GRID2: variants seen among roughly 807,000 people sequenced by gnomAD.
The protein encoded by GRID2 is glutamate ionotropic receptor delta type subunit 2, also known as glutamate receptor ionotropic, delta-2.
A neutral mutation model predicts 114.8 loss-of-function variants in GRID2; 33 were observed. That is an observed-to-expected ratio of 0.29 (90% CI 0.22 to 0.38). The LOEUF is 0.38. Ranked by LOEUF, GRID2 falls within the 10% of genes least tolerant of loss-of-function variation. The probability of loss-of-function intolerance (pLI) is 1.00; values close to 1 mark genes in which losing one functional copy is unlikely to be tolerated. For synonymous variants in GRID2, 505 were observed against 449.9 expected (o/e 1.12, Z -1.55); for missense variants, 1,184 against 1,257.7 (o/e 0.94, Z 0.89).
At chr4:92,910,626 T>A (rs2149490553) in intron 2 of GRID2, among the ~76,000 whole-genome samples, 1 of 152,198 alleles carries the variant, frequency 6.6e-6, no homozygotes, top group East Asian at 1.9e-4. Flanking sequence ...TTGAGTACAA[T>A]CTATTTTTTC....
rs1327912125 is a variant in GRID2, at chr4:92,304,691, T to C, written c.35T>C (p.Val12Ala). Residue 12 changes from valine (V) to alanine (A), a missense_variant, in exon 1 of 16, where the codon GTC becomes GCC. Physicochemically the swap from Val to Ala is moderately conservative, Grantham distance 64 (BLOSUM62 0). This residue lies in a region of GRID2 where 455 missense variants were observed against 429.5 expected (regional missense o/e 1.06). Coordinates refer to ENST00000282020, the MANE Select transcript of GRID2 (RefSeq NM_001510.4). ...EVFPFLLVLS[V>A]WWSRTWDSAN... Reference sequence around the variant, plus strand: ...TTCCCCTTTCTCTTGGTTTTGTCCGTCTGGTGGTCTCGAACCTGGGACTCG... The same window carrying C: ...TTCCCCTTTCTCTTGGTTTTGTCCGCCTGGTGGTCTCGAACCTGGGACTCG... 1 of 1,613,568 alleles carries C rather than the reference T, an allele frequency of 6.2e-7. No individual in the cohort carries two copies. Among genetic ancestry groups the C allele is most frequent in the East Asian group, 2.2e-5 (1 of 44,882 alleles).
At chr4:93,343,559 G>A (rs1035453431) in intron 8 of GRID2, among the ~76,000 whole-genome samples, 6 of 152,012 alleles carry the variant, frequency 3.9e-5, no homozygotes, top group African/African-American at 9.7e-5. Flanking sequence ...TTTGAAAATG[G>A]TCTCTAAAAG....
chr4:92,546,816 T>G (rs1245137902), intron 1 of GRID2, among the ~76,000 whole-genome samples: 2 of 152,200 alleles, frequency 1.3e-5, no homozygotes, highest in East Asian at 3.9e-4. Flanking sequence ...ATTATTAATA[T>G]GTTCAGTGGA....
chr4:93,435,700 G>T (rs1721016238), intron 10 of GRID2, among the ~76,000 whole-genome samples: 1 of 152,284 alleles, frequency 6.6e-6, no homozygotes, highest in South Asian at 2.1e-4. Flanking sequence ...AAGGCTTAGA[G>T]AATTTAAATA....
intron 14 of GRID2, among the ~76,000 whole-genome samples, chr4:93,645,626 C>T (rs1309527408): frequency 6.6e-6 from 1 of 152,122 alleles, no homozygotes. Context: ...TTGCCTGTCT[C>T]CTGGATACCT....
chr4:93,700,082 T>A (rs1307145038), intron 14 of GRID2, among the ~76,000 whole-genome samples: 1 of 152,128 alleles, frequency 6.6e-6, no homozygotes, highest in Non-Finnish European at 1.5e-5. Context: ...ATGCTATTTT[T>A]AAAAAATTAC....
intron 1 of GRID2, among the ~76,000 whole-genome samples, chr4:92,388,896 TA>T (rs1435484290): frequency 6.6e-6 from 1 of 152,012 alleles, no homozygotes; most frequent in African/African-American, 2.4e-5. Flanking sequence ...GCTATGCAAT[TA>T]AAAAAAGGTT....
At chr4:92,773,074 T>A (rs2149353468) in intron 2 of GRID2, among the ~76,000 whole-genome samples, 1 of 152,330 alleles carries the variant, frequency 6.6e-6, no homozygotes, top group Non-Finnish European at 1.5e-5. Context: ...TTGTATTGTC[T>A]TTACTTGTTA....
At chr4:92,967,936 T>G (rs960121477) in intron 2 of GRID2, among the ~76,000 whole-genome samples, 2 of 151,930 alleles carry the variant, frequency 1.3e-5, no homozygotes, top group African/African-American at 4.8e-5. Context: ...ATTAGCATTC[T>G]ATCACTACTT....
intron 8 of GRID2, among the ~76,000 whole-genome samples, chr4:93,241,473 C>A (rs1410692920): frequency 6.6e-6 from 1 of 151,744 alleles, no homozygotes; most frequent in South Asian, 2.1e-4. Flanking sequence ...AAACTCCATA[C>A]GTTCCTGGGA....
rs543453949 is a variant in GRID2, at chr4:93,631,114, G to A, written c.2360+4679G>A. 2.8e-4 allele frequency among the ~76,000 whole-genome samples: 43 copies of A among 152,188 alleles called. No homozygotes were observed. In the South Asian group the frequency reaches 8.3e-3, roughly 29 times the overall value. On this transcript the variant is annotated intron_variant, in intron 14 of 15. Coordinates refer to ENST00000282020, the MANE Select transcript of GRID2 (RefSeq NM_001510.4). ...GAGCTGAGACTCAAACCCAGAGTCT[G>A]GCTCCAAAAACTGGGTCTCTTAACC...
chr4:92,345,634 A>G (rs2110172295), intron 1 of GRID2, among the ~76,000 whole-genome samples: 1 of 152,312 alleles, frequency 6.6e-6, no homozygotes, highest in African/African-American at 2.4e-5. Context: ...CTAAGTCATA[A>G]ATGATATTAT....
At chr4:93,216,294 G>A (rs550655672) in intron 5 of GRID2, among the ~76,000 whole-genome samples, 24 of 151,910 alleles carry the variant, frequency 1.6e-4, no homozygotes, top group South Asian at 1.4e-3. Flanking sequence ...GTATGTGTGC[G>A]TATGTATGCA....
chr4:93,778,629 C>T (rs1185010937), downstream of GRID2, among the ~76,000 whole-genome samples: 1 of 152,110 alleles, frequency 6.6e-6, no homozygotes, highest in Non-Finnish European at 1.5e-5. Flanking sequence ...AACCCCGGAC[C>T]TCACATGATC....
chr4:93,439,871 C>T (rs1721462577), intron 10 of GRID2, among the ~76,000 whole-genome samples: 1 of 151,992 alleles, frequency 6.6e-6, no homozygotes, highest in Non-Finnish European at 1.5e-5. Context: ...CCCATAAAGT[C>T]GAGCCTATCT....
At chr4:93,637,097 A>G (rs1721478709) in intron 14 of GRID2, among the ~76,000 whole-genome samples, 1 of 152,206 alleles carries the variant, frequency 6.6e-6, no homozygotes, top group African/African-American at 2.4e-5. Flanking sequence ...CATCTGTTTA[A>G]AAATTGTCAT....
At chr4:92,638,882 G>T (rs550164483) in intron 2 of GRID2, among the ~76,000 whole-genome samples, 1 of 150,538 alleles carries the variant, frequency 6.6e-6, no homozygotes, top group Non-Finnish European at 1.5e-5. Flanking sequence ...TGTTCTATTT[G>T]TTCAGTTTTT....
intron 2 of GRID2, among the ~76,000 whole-genome samples, chr4:92,618,374 G>A (rs1010028997): frequency 3.3e-5 from 5 of 151,630 alleles, no homozygotes; most frequent in African/African-American, 1.2e-4. Flanking sequence ...CTATATTTCT[G>A]TTCTTACGAA....
rs571296979 is a variant in GRID2 at position 92,799,445 on chromosome 4, C to T, written c.244+209159C>T. Among the ~76,000 whole-genome samples, 8 of 152,066 alleles carry T rather than the reference C, an allele frequency of 5.3e-5. No homozygotes were observed. The South Asian group carries it at 6.2e-4, about 12-fold the overall frequency. ...GCTTAAACAATAGAAATTTATTTCT[C>T]GCTGTTTTAGTGGCTGGAAGTCCAA... On this transcript the variant is annotated intron_variant, in intron 2 of 15. Coordinates refer to ENST00000282020, the MANE Select transcript of GRID2 (RefSeq NM_001510.4).
Sources: gnomAD v4.1 joint callset for allele counts (sites outside exome capture counted in the v4.1 genomes callset) on GRCh38, gnomAD v4.1.1 for gene constraint, gnomAD v4.1.1 regional missense constraint, MANE v1.5 for transcripts, NCBI Gene and HGNC (gene_info 2026-07-23, HGNC 2026-07-21) for gene names.